Variants in NUP160 observed in about 807,000 individuals in gnomAD.
NUP160 encodes the protein nuclear pore complex protein Nup160.
NUP160 carries 94 observed loss-of-function variants against 196.9 expected under a neutral mutation model. The observed-to-expected ratio is 0.48, with a 90% CI of 0.40 to 0.57. NUP160 has a LOEUF of 0.57. Among genes scored for constraint, NUP160 ranks in the 20% least tolerant of loss-of-function variants. The probability of loss-of-function intolerance (pLI) is 0.00; values close to 1 mark genes in which losing one functional copy is unlikely to be tolerated. For synonymous variants in NUP160, 605 were observed against 619.7 expected (o/e 0.98, Z 0.35); for missense variants, 1,638 against 1,748.3 (o/e 0.94, Z 1.13).
intron 2 of NUP160, among the ~76,000 whole-genome samples, chr11:47,843,054 C>G (rs1471040187): frequency 1.3e-5 from 2 of 152,130 alleles, no homozygotes; most frequent in South Asian, 4.1e-4. Context: ...CTTCTCAGTT[C>G]CCCAAATTCC....
At chr11:47,796,331 TG>T in intron 27 of NUP160, 1 of 690,858 alleles carries the variant, frequency 1.4e-6, no homozygotes, top group East Asian at 2.6e-5. Context: ...GGGCTACCTG[TG>T]ATCTGTGTTT....
At chr11:47,778,613 T>A (rs1284402129) in exon 36 of NUP160, 1 of 152,724 alleles carries the variant, frequency 6.5e-6, no homozygotes, top group African/African-American at 2.4e-5. Flanking sequence ...CCAAAATAAA[T>A]AAAAAGTACA....
At chr11:47,780,435 C>A in exon 35 of NUP160, 1 of 1,611,068 alleles carries the variant, frequency 6.2e-7, no homozygotes, top group Non-Finnish European at 8.5e-7. Context: ...GGGGCTGTTG[C>A]GGACAGTGGA....
intron 22 of NUP160, among the ~76,000 whole-genome samples, chr11:47,802,154 C>T (rs779335578): frequency 7.9e-5 from 12 of 152,214 alleles, no homozygotes; most frequent in South Asian, 2.1e-4. Flanking sequence ...AAACATTGGC[C>T]GGGTGGGGTG....
chr11:47,814,109 T>A (rs1452154813), intron 13 of NUP160, among the ~76,000 whole-genome samples: 5 of 140,600 alleles, frequency 3.6e-5, no homozygotes, highest in Admixed American at 3.0e-4. Context: ...GCCACTGTAC[T>A]GCAGCCTGGG....
chr11:47,815,574 A>C, exon 13 of NUP160: 1 of 1,613,402 alleles, frequency 6.2e-7, no homozygotes, highest in Non-Finnish European at 8.5e-7. Context: ...CAGGCATAGA[A>C]CTTGCACCAG....
At chr11:47,812,964 T>A (rs79561994) in exon 15 of NUP160, 1 of 1,613,548 alleles carries the variant, frequency 6.2e-7, no homozygotes, top group Non-Finnish European at 8.5e-7. Flanking sequence ...ATTTCCATTA[T>A]AACTGACATA....
At chr11:47,816,182 G>T (rs2097684332) in intron 11 of NUP160, among the ~76,000 whole-genome samples, 153 bp from the exon 12 acceptor site, 1 of 152,168 alleles carries the variant, frequency 6.6e-6, no homozygotes, top group African/African-American at 2.4e-5. Context: ...TAAGAAACTG[G>T]GTGTATTTAG....
exon 20 of NUP160, chr11:47,806,243 A>G: frequency 6.2e-7 from 1 of 1,613,748 alleles, no homozygotes; most frequent in Non-Finnish European, 8.5e-7. Flanking sequence ...CTGAGAGAAG[A>G]GGTGAGATAT....
At chr11:47,845,571 T>A (rs1039564450) in intron 2 of NUP160, among the ~76,000 whole-genome samples, 1 of 152,240 alleles carries the variant, frequency 6.6e-6, no homozygotes, top group African/African-American at 2.4e-5. Context: ...AAACTGCATG[T>A]ACTTGGGGTT....
intron 17 of NUP160, among the ~76,000 whole-genome samples, chr11:47,809,366 T>G (rs559252872): frequency 2.4e-3 from 372 of 152,028 alleles, no homozygotes; most frequent in Middle Eastern, 0.014. Flanking sequence ...ATAAGCAAAT[T>G]TGGCAGTACT....
In NUP160 at chr11:47,783,064, T is replaced by TATAC. The variant is rs1351157865; in HGVS notation, c.4116+8_4116+9insGTAT. The stretch of plus-strand genomic sequence containing the variant: ...CATTGTAAATTGGGGACCATTTGTA[T>TATAC]ATGCCTACCTCAATTCCGAAGTATT... On this transcript the variant is annotated intron_variant, in intron 34 of 35. Coordinates refer to ENST00000378460, the Ensembl canonical transcript of NUP160. 9 of 1,611,228 alleles carry TATAC rather than the reference T, an allele frequency of 5.6e-6. No homozygotes were observed. The African/African-American group carries it at 9.4e-5, about 17-fold the overall frequency.
intron 21 of NUP160, 87 bp from the exon 22 acceptor site, chr11:47,803,623 G>GA (rs2097675709): frequency 1.3e-6 from 1 of 774,328 alleles, no homozygotes; most frequent in East Asian, 2.5e-5. Context: ...CACAGAGGAT[G>GA]AAAAGACAGT....
intron 7 of NUP160, among the ~76,000 whole-genome samples, chr11:47,833,118 CT>C (rs1304200998): frequency 2.2e-4 from 34 of 152,198 alleles, no homozygotes; most frequent in African/African-American, 7.7e-4. Flanking sequence ...GAATGGTATA[CT>C]TTAAATGGGT....
chr11:47,781,903 T>G (rs991576913), intron 34 of NUP160, among the ~76,000 whole-genome samples: 1 of 152,304 alleles, frequency 6.6e-6, no homozygotes, highest in Non-Finnish European at 1.5e-5. Context: ...TTTAGTTGTA[T>G]AACTACAGAT....
At chr11:47,813,935 G>C (rs1011193483) in intron 13 of NUP160, among the ~76,000 whole-genome samples, 1 of 151,912 alleles carries the variant, frequency 6.6e-6, no homozygotes, top group Non-Finnish European at 1.5e-5. Flanking sequence ...GCCAGGTGTG[G>C]TGGCGGGCGC....
At chr11:47,784,835 A>G in intron 33 of NUP160, 87 bp downstream of exon 33, 1 of 1,041,138 alleles carries the variant, frequency 9.6e-7, no homozygotes. Context: ...AGCCACTGCA[A>G]TCAGTCCATA....
rs758426887 is a variant in NUP160 at position 47,819,472 on chromosome 11, A to T, written c.1278-14T>A. On this transcript the variant is annotated splice_polypyrimidine_tract_variant and intron_variant, in intron 9 of 35. Coordinates refer to ENST00000378460, the Ensembl canonical transcript of NUP160. The stretch of plus-strand genomic sequence containing the variant: ...CCTGCAACATTACTAGAGACAAAAA[A>T]GTCCACCAGTTTATACAGAAATGAT... 19 of 1,583,190 alleles carry T rather than the reference A, an allele frequency of 1.2e-5. No homozygotes were observed. Among genetic ancestry groups the T allele is most frequent in the Admixed American group, 1.7e-5 (1 of 59,928 alleles).
chr11:47,839,561 C>A, intron 4 of NUP160: 1 of 397,034 alleles, frequency 2.5e-6, no homozygotes, highest in Non-Finnish European at 4.6e-6. Context: ...TGTTATAATG[C>A]CTCCATCTCA....
Sources: gnomAD v4.1 joint callset for allele counts (sites outside exome capture counted in the v4.1 genomes callset) on GRCh38, gnomAD v4.1.1 for gene constraint, MANE v1.5 for transcripts, NCBI Gene and HGNC (gene_info 2026-07-23, HGNC 2026-07-21) for gene names.